Variants in LRRC37A2 observed in about 807,000 individuals in gnomAD.
LRRC37A2 encodes the protein leucine rich repeat containing 37 member A2, also known as leucine-rich repeat-containing protein 37A2.
A neutral mutation model predicts 68.8 loss-of-function variants in LRRC37A2; 9 were observed. The observed-to-expected ratio is 0.13, with a 90% confidence interval of 0.08 to 0.23. The LOEUF is 0.23. Ranked by LOEUF, LRRC37A2 falls within the 10% of genes least tolerant of loss-of-function variation. The pLI is 1.00. For synonymous variants in LRRC37A2, 63 were observed against 367.6 expected (o/e 0.17, Z 9.48); for missense variants, 168 against 950.4 (o/e 0.18, Z 10.82).
the LRRC37A2 span, among the ~76,000 whole-genome samples, chr17:46,819,015 T>TG: frequency 6.6e-6 from 1 of 152,150 alleles, no homozygotes; most frequent in African/African-American, 2.4e-5. The surrounding 1 kb of genome is among the most constrained non-coding windows in gnomAD (Gnocchi z 5.3). Flanking sequence ...GCGGGGGCTT[T>TG]GACCCGGGCG....
the LRRC37A2 span, among the ~76,000 whole-genome samples, chr17:46,980,864 G>GA: frequency 2.0e-5 from 3 of 151,748 alleles, no homozygotes; most frequent in Admixed American, 6.6e-5. Context: ...AATAAAAAAA[G>GA]AAAAAAAGAA....
At chr17:46,811,163 G>T in the LRRC37A2 span, among the ~76,000 whole-genome samples, 6 of 101,028 alleles carry the variant, frequency 5.9e-5, 2 homozygotes, top group Admixed American at 3.7e-4. Flanking sequence ...CTCTACCCCT[G>T]CCCGCCCTAC....
At chr17:46,894,677 C>T in the LRRC37A2 span, among the ~76,000 whole-genome samples, 2 of 152,328 alleles carry the variant, frequency 1.3e-5, no homozygotes, top group East Asian at 1.9e-4. Flanking sequence ...TCCGTGGGGC[C>T]GCCAGCCGGC....
chr17:46,711,165 G>A, the LRRC37A2 span: 3 of 1,446,184 alleles, frequency 2.1e-6, no homozygotes, highest in Admixed American at 2.9e-5. Flanking sequence ...AGGAAAAAAA[G>A]CAGCATTTTT....
At chr17:46,935,690 GC>G in the LRRC37A2 span, 2 of 989,580 alleles carry the variant, frequency 2.0e-6, no homozygotes, top group Non-Finnish European at 2.4e-6. Context: ...AGCTTCTAAA[GC>G]CCGTGCTGGT....
the LRRC37A2 span, chr17:46,833,573 C>G: frequency 2.6e-6 from 1 of 385,872 alleles, no homozygotes; most frequent in Non-Finnish European, 5.2e-6. Flanking sequence ...ACCCCAGTCT[C>G]CTGCTCAGTG....
At chr17:46,850,130 A>G in the LRRC37A2 span, among the ~76,000 whole-genome samples, 37 of 152,332 alleles carry the variant, frequency 2.4e-4, no homozygotes, top group African/African-American at 4.6e-4. Context: ...GATTACAGGC[A>G]TGAGCCAACG....
the LRRC37A2 span, chr17:46,773,646 C>G: frequency 2.7e-5 from 40 of 1,458,792 alleles, no homozygotes; most frequent in Admixed American, 7.6e-5. Flanking sequence ...CCCCTCCCCC[C>G]CCCTCAGCCC....
chr17:46,990,182 C>T, the LRRC37A2 span, among the ~76,000 whole-genome samples: 679 of 152,224 alleles, frequency 4.5e-3, 9 homozygotes, highest in Middle Eastern at 0.014. Flanking sequence ...AACCTATCTG[C>T]GGCAGAAAGG....
the LRRC37A2 span, among the ~76,000 whole-genome samples, chr17:46,801,433 A>T: frequency 6.7e-6 from 1 of 148,954 alleles, no homozygotes; most frequent in Non-Finnish European, 1.5e-5. Context: ...CAGCCTGGCC[A>T]ACATGGTGAA....
chr17:46,910,532 G>A, the LRRC37A2 span, among the ~76,000 whole-genome samples: 2 of 152,188 alleles, frequency 1.3e-5, no homozygotes, highest in African/African-American at 4.8e-5. Flanking sequence ...TGTCTAGCTT[G>A]GAGTAGTTGA....
At chr17:46,711,986 G>T in the LRRC37A2 span, among the ~76,000 whole-genome samples, 25 of 152,144 alleles carry the variant, frequency 1.6e-4, no homozygotes, top group Non-Finnish European at 2.8e-4. Flanking sequence ...CCATATTAAA[G>T]ATTTAAACTA....
the LRRC37A2 span, among the ~76,000 whole-genome samples, chr17:46,905,276 A>T: frequency 1.3e-5 from 2 of 151,936 alleles, no homozygotes; most frequent in Admixed American, 6.6e-5. Context: ...GGGTTTCATC[A>T]TGTTGGCCAG....
chr17:47,029,587 C>T, the LRRC37A2 span, among the ~76,000 whole-genome samples: 1 of 152,260 alleles, frequency 6.6e-6, no homozygotes, highest in Non-Finnish European at 1.5e-5. Context: ...GCACATGCTC[C>T]CCTCTGTCCT....
the LRRC37A2 span, among the ~76,000 whole-genome samples, chr17:46,730,637 T>C: frequency 6.6e-6 from 1 of 152,236 alleles, no homozygotes; most frequent in African/African-American, 2.4e-5. Flanking sequence ...GGCTTATACG[T>C]ACATGCTTCA....
At chr17:46,904,076 T>C in the LRRC37A2 span, among the ~76,000 whole-genome samples, 1 of 147,692 alleles carries the variant, frequency 6.8e-6, no homozygotes, top group African/African-American at 2.5e-5. Flanking sequence ...AGTGACTGGG[T>C]AGATGAATGT....
chr17:46,954,314 T>G, the LRRC37A2 span, among the ~76,000 whole-genome samples: 1 of 152,252 alleles, frequency 6.6e-6, no homozygotes, highest in Admixed American at 6.5e-5. Context: ...ATTTCTTGTT[T>G]TTGTCAGGTT....
chr17:46,884,327 C>A, the LRRC37A2 span, among the ~76,000 whole-genome samples: 1 of 152,330 alleles, frequency 6.6e-6, no homozygotes, highest in East Asian at 1.9e-4. Context: ...TGCCCAGAGG[C>A]GGGAGATGTC....
chr17:46,991,159 T>TTTAAAGA, the LRRC37A2 span, among the ~76,000 whole-genome samples: 4 of 152,208 alleles, frequency 2.6e-5, no homozygotes, highest in Admixed American at 2.6e-4. Flanking sequence ...ACTATAGTCA[T>TTTAAAGA]CATCTTCTGA....
Sources: allele counts gnomAD v4.1 joint callset (sites outside exome capture counted in the v4.1 genomes callset), GRCh38; gene constraint gnomAD v4.1.1; non-coding constraint Gnocchi (gnomAD v3.1); transcripts MANE v1.5; gene names NCBI Gene and HGNC (gene_info 2026-07-23, HGNC 2026-07-21).